Variants in CNTNAP5 observed in about 807,000 individuals in gnomAD.
CNTNAP5 encodes the protein contactin-associated protein-like 5.
A neutral mutation model predicts 150.2 loss-of-function variants in CNTNAP5; 72 were observed. The ratio of observed to expected loss-of-function variants is 0.48; its 90% CI spans 0.40 to 0.58. The LOEUF is 0.58. Ranked by LOEUF, CNTNAP5 falls within the 20% of genes least tolerant of loss-of-function variation. CNTNAP5 has a pLI of 0.00. For synonymous variants in CNTNAP5, 672 were observed against 619.8 expected (o/e 1.08, Z -1.25); for missense variants, 1,636 against 1,626.2 (o/e 1.01, Z -0.10).
chr2:124,557,022 A>T (rs1359682399), intron 10 of CNTNAP5, among the ~76,000 whole-genome samples: 1 of 152,142 alleles, frequency 6.6e-6, no homozygotes, highest in East Asian at 1.9e-4. Context: ...CTCAAAAAAA[A>T]AAAAAGCTCT....
chr2:124,083,847 T>C (rs1682617435), intron 1 of CNTNAP5, among the ~76,000 whole-genome samples: 1 of 152,058 alleles, frequency 6.6e-6, no homozygotes, highest in Admixed American at 6.5e-5. Flanking sequence ...TTTGCCTTTC[T>C]ATAGAAATTT....
At chr2:124,522,531 G>A (rs866552110) in intron 8 of CNTNAP5, among the ~76,000 whole-genome samples, 8 of 152,282 alleles carry the variant, frequency 5.3e-5, no homozygotes, top group Middle Eastern at 6.8e-3. Context: ...GGAGTCCCAT[G>A]TTCTAAAGCT....
At chr2:124,642,555 G>A (rs1482169826) in intron 12 of CNTNAP5, among the ~76,000 whole-genome samples, 1 of 152,206 alleles carries the variant, frequency 6.6e-6, no homozygotes, top group African/African-American at 2.4e-5. Flanking sequence ...GGAAAAGAGT[G>A]CACAGACTTC....
At chr2:124,360,854 C>T (rs1690177256) in intron 3 of CNTNAP5, among the ~76,000 whole-genome samples, 1 of 132,492 alleles carries the variant, frequency 7.5e-6, no homozygotes, top group African/African-American at 2.9e-5. Context: ...GAACGTTGGC[C>T]TGCCTTGCTA....
At chr2:124,400,079 T>C (rs113697591) in intron 3 of CNTNAP5, among the ~76,000 whole-genome samples, 236 of 149,992 alleles carry the variant, frequency 1.6e-3, no homozygotes, top group Non-Finnish European at 1.7e-3. Context: ...CACTATTCCC[T>C]CAAGATGCAC....
At chr2:124,611,752 A>T (rs746556070) in intron 12 of CNTNAP5, among the ~76,000 whole-genome samples, 2 of 152,218 alleles carry the variant, frequency 1.3e-5, no homozygotes, top group Non-Finnish European at 2.9e-5. Flanking sequence ...GGCTGCAAAT[A>T]AGGCAAAAGA....
At chr2:124,029,598 T>G (rs903620939) in intron 1 of CNTNAP5, among the ~76,000 whole-genome samples, 1 of 152,070 alleles carries the variant, frequency 6.6e-6, no homozygotes, top group Non-Finnish European at 1.5e-5. Flanking sequence ...CCTTACTCTC[T>G]CCTTGCTTTA....
At chr2:124,196,966 A>G (rs1169478426) in intron 1 of CNTNAP5, among the ~76,000 whole-genome samples, 1 of 152,220 alleles carries the variant, frequency 6.6e-6, no homozygotes, top group African/African-American at 2.4e-5. Context: ...GGTGGTCTGG[A>G]TAAATATAGT....
At chr2:124,615,761 G>A (rs1677481067) in intron 12 of CNTNAP5, among the ~76,000 whole-genome samples, 1 of 152,132 alleles carries the variant, frequency 6.6e-6, no homozygotes, top group Admixed American at 6.6e-5. Context: ...TATGGCATTT[G>A]TAGACTTATA....
intron 6 of CNTNAP5, among the ~76,000 whole-genome samples, chr2:124,465,672 C>A (rs1216659982): frequency 6.6e-6 from 1 of 152,108 alleles, no homozygotes; most frequent in Non-Finnish European, 1.5e-5. Flanking sequence ...AAACATTCAA[C>A]AAATGTTTCT....
intron 1 of CNTNAP5, among the ~76,000 whole-genome samples, chr2:124,220,027 A>C (rs1686264227): frequency 6.6e-6 from 1 of 152,124 alleles, no homozygotes; most frequent in Non-Finnish European, 1.5e-5. Flanking sequence ...TTGATTTTTT[A>C]ATACACTTAA....
At chr2:124,069,993 T>C (rs1280304194) in intron 1 of CNTNAP5, among the ~76,000 whole-genome samples, 1 of 152,094 alleles carries the variant, frequency 6.6e-6, no homozygotes, top group Non-Finnish European at 1.5e-5. Context: ...TTAAAACATA[T>C]ATAGTGCCAT....
rs76985788 is a variant in CNTNAP5, at chr2:124,268,067, C to T, written c.381+25674C>T. Reference sequence around the variant, plus strand: ...CGAAGCACATTTGCAAGGGGATTGGCCTTTACTGTGTGAACTCAGGGCTAT... The same window carrying T: ...CGAAGCACATTTGCAAGGGGATTGGTCTTTACTGTGTGAACTCAGGGCTAT... On this transcript the variant is annotated intron_variant, in intron 3 of 23. Transcript: ENST00000682447. Among the ~76,000 whole-genome samples the T allele has an allele frequency of 2.1e-4, 32 of 152,188 alleles. No individual in the cohort carries two copies. The East Asian group carries it at 5.8e-3, about 28-fold the overall frequency.
Position 124,223,939 on chromosome 2 carries a change from C to T in CNTNAP5, c.187+2130C>T, listed in dbSNP as rs1686393953. ...ATTCCAAGACTCCCAAGGGGGACAG[C>T]CTCTCCTTTACTCACCGAGGCCCAA... On this transcript the variant is annotated intron_variant, in intron 2 of 23. Transcript: ENST00000682447. Among the ~76,000 whole-genome samples the T allele has an allele frequency of 1.3e-5, 2 of 151,622 alleles. 1 individual carries two copies. Among genetic ancestry groups the T allele is most frequent in the South Asian group, 4.2e-4 (2 of 4,806 alleles).
intron 13 of CNTNAP5, among the ~76,000 whole-genome samples, chr2:124,686,783 G>A (rs1679201437): frequency 6.6e-6 from 1 of 152,166 alleles, no homozygotes; most frequent in Non-Finnish European, 1.5e-5. Context: ...TTGAAGATTT[G>A]ATATAATCTA....
At chr2:124,151,305 C>A (rs761425502) in intron 1 of CNTNAP5, among the ~76,000 whole-genome samples, 1 of 152,128 alleles carries the variant, frequency 6.6e-6, no homozygotes. Context: ...GAGAGATGAA[C>A]GCATTGGTCC....
chr2:124,476,422 C>T (rs1422116149), intron 7 of CNTNAP5, among the ~76,000 whole-genome samples: 11 of 151,976 alleles, frequency 7.2e-5, no homozygotes, highest in African/African-American at 2.7e-4. Flanking sequence ...CCCATGTGAT[C>T]TGCAGTGACA....
At chr2:124,497,696 A>T (rs4848936) in intron 7 of CNTNAP5, among the ~76,000 whole-genome samples, 129,360 of 152,168 alleles carry the variant, frequency 0.85, 55,142 homozygotes, top group East Asian at 1. Flanking sequence ...GAGACCTGGC[A>T]AAAATACCCA....
intron 13 of CNTNAP5, among the ~76,000 whole-genome samples, chr2:124,740,180 TACAC>T (rs755940587): frequency 1.7e-4 from 26 of 151,776 alleles, no homozygotes; most frequent in Non-Finnish European, 1.8e-4. Flanking sequence ...CACATGCACA[TACAC>T]ACACACAAAA....
Sources: allele counts gnomAD v4.1 joint callset (sites outside exome capture counted in the v4.1 genomes callset), GRCh38; gene constraint gnomAD v4.1.1; transcripts MANE v1.5; gene names NCBI Gene and HGNC (gene_info 2026-07-23, HGNC 2026-07-21).